Variants in DPP6 observed in about 807,000 individuals in gnomAD.
DPP6 encodes the protein dipeptidyl peptidase like 6, also known as A-type potassium channel modulatory protein DPP6.
Under a neutral mutation model 122.6 loss-of-function variants are expected in DPP6, and 69 were observed. The observed-to-expected ratio is 0.56, with a 90% confidence interval of 0.46 to 0.69. DPP6 has a LOEUF of 0.69. Among genes scored for constraint, DPP6 ranks in the 30% least tolerant of loss-of-function variants. The probability of loss-of-function intolerance (pLI) is 0.00; values close to 1 mark genes in which losing one functional copy is unlikely to be tolerated. For synonymous variants in DPP6, 418 were observed against 433.1 expected, an observed-to-expected ratio of 0.97 and a Z score of 0.43; for missense variants, 928 against 1,116.9, an observed-to-expected ratio of 0.83 and a Z score of 2.41.
At chr7:153,857,700 T>C in the DPP6 span, among the ~76,000 whole-genome samples, 1 of 152,358 alleles carries the variant, frequency 6.6e-6, no homozygotes, top group Non-Finnish European at 1.5e-5. Context: ...CTAAGTATCA[T>C]GCTTAGAATA....
intron 7 of DPP6, among the ~76,000 whole-genome samples, chr7:154,704,224 G>A (rs1208997003): frequency 2.0e-5 from 3 of 152,244 alleles, no homozygotes; most frequent in African/African-American, 7.2e-5. Flanking sequence ...ATTAGAAGTA[G>A]AGCCTGAAGA....
Position 154,892,405 on chromosome 7 carries a change from C to T in DPP6, c.2523C>T (p.Asn841=). 1 of 1,614,074 alleles carries T rather than the reference C, an allele frequency of 6.2e-7. No individual in the cohort carries two copies. Among genetic ancestry groups the T allele is most frequent in the African/African-American group, 1.3e-5 (1 of 75,062 alleles). Residue 841 remains asparagine, a synonymous_variant, in exon 26 of 26, where the codon AAC becomes AAT. Transcript: ENST00000377770. ...LKQHLYRSII[N]FFVECFRIQD... ...AGCATCTGTACCGGTCCATCATCAA[C>T]TTCTTCGTGGAATGCTTCAGGATCC...
chr7:154,024,511 C>T (rs1207328047), intron 1 of DPP6, among the ~76,000 whole-genome samples: 1 of 151,816 alleles, frequency 6.6e-6, no homozygotes, highest in African/African-American at 2.4e-5. Context: ...CTAACTAGAT[C>T]TAGAAAAACA....
chr7:154,659,943 C>T (rs1219111867), intron 6 of DPP6, among the ~76,000 whole-genome samples: 7 of 152,188 alleles, frequency 4.6e-5, no homozygotes, highest in Non-Finnish European at 1.0e-4. Context: ...TAGCTATTGT[C>T]CCCATAGGAG....
At chr7:154,678,514 G>T (rs1003492523) in intron 7 of DPP6, among the ~76,000 whole-genome samples, 1 of 151,932 alleles carries the variant, frequency 6.6e-6, no homozygotes, top group Non-Finnish European at 1.5e-5. Context: ...CGAACCCACT[G>T]GAAGGAAGAA....
At chr7:154,517,463 G>C (rs1156501461) in intron 3 of DPP6, among the ~76,000 whole-genome samples, 1 of 152,106 alleles carries the variant, frequency 6.6e-6, no homozygotes, top group Non-Finnish European at 1.5e-5. Flanking sequence ...GCAAACCTAG[G>C]ACAGGGTGTG....
chr7:154,261,507 AG>A (rs1377274564), intron 1 of DPP6, among the ~76,000 whole-genome samples: 1 of 152,362 alleles, frequency 6.6e-6, no homozygotes, highest in African/African-American at 2.4e-5. Flanking sequence ...AGAACCCAAA[AG>A]TAAGTGCAAT....
chr7:154,468,482 G>A (rs1004491250), intron 2 of DPP6, among the ~76,000 whole-genome samples: 7 of 152,148 alleles, frequency 4.6e-5, no homozygotes, highest in African/African-American at 1.4e-4. Context: ...CTCTAATAAA[G>A]GTGTCAAGAA....
chr7:154,283,527 C>A (rs1804662173), intron 1 of DPP6, among the ~76,000 whole-genome samples: 1 of 152,130 alleles, frequency 6.6e-6, no homozygotes, highest in African/African-American at 2.4e-5. Flanking sequence ...ATCCGAGGCT[C>A]ATGGGGTACA....
the DPP6 span, among the ~76,000 whole-genome samples, chr7:153,864,860 G>A: frequency 5.3e-5 from 8 of 152,092 alleles, no homozygotes; most frequent in Admixed American, 2.0e-4. Flanking sequence ...GCAGTTTATC[G>A]ACACTTATTC....
chr7:154,294,390 GT>G (rs1288488305), intron 1 of DPP6, among the ~76,000 whole-genome samples: 1 of 152,094 alleles, frequency 6.6e-6, no homozygotes, highest in Non-Finnish European at 1.5e-5. Context: ...CTTATCTCCA[GT>G]TTTTAGTGGC....
At chr7:154,236,614 G>A (rs948216855) in intron 1 of DPP6, among the ~76,000 whole-genome samples, 3 of 152,156 alleles carry the variant, frequency 2.0e-5, no homozygotes, top group African/African-American at 7.2e-5. Flanking sequence ...ACCTGTGCAT[G>A]GGTGAGGCAG....
At chr7:153,867,059 A>G in the DPP6 span, among the ~76,000 whole-genome samples, 1 of 152,128 alleles carries the variant, frequency 6.6e-6, no homozygotes, top group Non-Finnish European at 1.5e-5. Context: ...GTAGCCTTGT[A>G]GTATAGTTTG....
chr7:153,875,833 T>C, the DPP6 span, among the ~76,000 whole-genome samples: 1 of 150,322 alleles, frequency 6.7e-6, no homozygotes, highest in South Asian at 2.1e-4. Context: ...GCAAATGGAT[T>C]GAATACTCAG....
chr7:154,412,457 A>G (rs1315422627), intron 1 of DPP6, among the ~76,000 whole-genome samples: 4 of 152,060 alleles, frequency 2.6e-5, no homozygotes, highest in Non-Finnish European at 5.9e-5. Flanking sequence ...TCTTTTAAGA[A>G]CAGTGCCCTA....
chr7:154,635,398 A>C (rs541184506), intron 5 of DPP6, among the ~76,000 whole-genome samples: 29 of 151,812 alleles, frequency 1.9e-4, no homozygotes, highest in Admixed American at 1.1e-3. Flanking sequence ...GCCCCTCACC[A>C]CCTCTGTCCT....
chr7:153,971,028 T>G (rs7796170), intron 1 of DPP6, among the ~76,000 whole-genome samples: 3 of 152,068 alleles, frequency 2.0e-5, no homozygotes, highest in African/African-American at 7.2e-5. Flanking sequence ...GAAAATCCAC[T>G]TAGAATATTA....
chr7:154,177,938 T>C (rs1026967120), intron 1 of DPP6, among the ~76,000 whole-genome samples: 2 of 152,144 alleles, frequency 1.3e-5, no homozygotes, highest in Non-Finnish European at 1.5e-5. Context: ...CACTCCCTAA[T>C]AGTCAGCATT....
At chr7:153,905,358 G>A (rs182015107) in intron 1 of DPP6, among the ~76,000 whole-genome samples, 18 of 152,238 alleles carry the variant, frequency 1.2e-4, no homozygotes, top group Non-Finnish European at 1.8e-4. Context: ...GGGGGAGTGG[G>A]GAGAAATGTT....
Sources: allele counts gnomAD v4.1 joint callset (sites outside exome capture counted in the v4.1 genomes callset), GRCh38; gene constraint gnomAD v4.1.1; transcripts MANE v1.5; gene names NCBI Gene and HGNC (gene_info 2026-07-23, HGNC 2026-07-21).